TENM4: variants seen among roughly 807,000 people sequenced by gnomAD.
The protein encoded by TENM4 is teneurin-4.
Under a neutral mutation model 243.3 loss-of-function variants are expected in TENM4, and 82 were observed. The observed-to-expected ratio is 0.34, with a 90% CI of 0.28 to 0.40. The LOEUF (loss-of-function observed/expected upper bound fraction) is 0.40. TENM4 is among the 10% of genes least tolerant of loss of function. TENM4 has a pLI of 1.00. For missense variants in TENM4, 3,138 were observed against 3,673.3 expected (o/e 0.85, Z 3.77); for synonymous variants, 1,412 against 1,456.3 (o/e 0.97, Z 0.69).
At chr11:79,105,420 A>G (rs890576870) in intron 4 of TENM4, among the ~76,000 whole-genome samples, 1 of 152,184 alleles carries the variant, frequency 6.6e-6, no homozygotes, top group Non-Finnish European at 1.5e-5. Flanking sequence ...CATAATTCAA[A>G]TCCAATTCTC....
At chr11:79,208,976 C>T (rs1863902766) in intron 3 of TENM4, among the ~76,000 whole-genome samples, 9 of 152,180 alleles carry the variant, frequency 5.9e-5, no homozygotes, top group Admixed American at 5.9e-4. Flanking sequence ...AACCCTCGGG[C>T]CACTACCTCA....
intron 12 of TENM4, among the ~76,000 whole-genome samples, chr11:78,827,639 A>G (rs181307989): frequency 6.6e-6 from 1 of 152,136 alleles, no homozygotes; most frequent in East Asian, 1.9e-4. Flanking sequence ...GCAGGCATGC[A>G]CCACCATGCC....
chr11:78,871,649 C>T (rs1209640373), intron 9 of TENM4, among the ~76,000 whole-genome samples: 3 of 152,168 alleles, frequency 2.0e-5, no homozygotes, highest in Non-Finnish European at 4.4e-5. Context: ...AAATCATGTC[C>T]AGAGCAGGAC....
At chr11:79,001,831 A>G (rs1236929053) in intron 6 of TENM4, among the ~76,000 whole-genome samples, 4 of 152,248 alleles carry the variant, frequency 2.6e-5, no homozygotes, top group East Asian at 1.9e-4. Context: ...GGCTCTCACC[A>G]TAGCTCCTTT....
chr11:79,089,595 T>C (rs1034400910), intron 4 of TENM4, among the ~76,000 whole-genome samples: 2 of 151,922 alleles, frequency 1.3e-5, no homozygotes, highest in Non-Finnish European at 2.9e-5. Flanking sequence ...AAGAAGCAGG[T>C]TTCATATCCT....
At chr11:78,950,295 A>G (rs1187338321) in intron 6 of TENM4, among the ~76,000 whole-genome samples, 1 of 152,154 alleles carries the variant, frequency 6.6e-6, no homozygotes, top group East Asian at 1.9e-4. Context: ...AGCGGTTTCC[A>G]TTCAGGGGCC....
chr11:79,035,170 C>G (rs777400684), intron 6 of TENM4, among the ~76,000 whole-genome samples: 8 of 152,136 alleles, frequency 5.3e-5, no homozygotes, highest in Non-Finnish European at 1.2e-4. Flanking sequence ...CGGGTTCACT[C>G]CTCCCTTAAC....
intron 1 of TENM4, among the ~76,000 whole-genome samples, chr11:79,423,503 C>T (rs937654662): frequency 3.3e-5 from 5 of 149,694 alleles, no homozygotes; most frequent in Admixed American, 6.7e-5. Flanking sequence ...GCTCCTGTCT[C>T]GTTCAAGCCA....
At chr11:78,721,133 G>A (rs946798576) in intron 24 of TENM4, among the ~76,000 whole-genome samples, 5 of 152,064 alleles carry the variant, frequency 3.3e-5, no homozygotes, top group Non-Finnish European at 5.9e-5. Context: ...TGATTTCCTC[G>A]TCCATGGTGC....
rs761703290 is a variant in TENM4, at chr11:78,863,007, T to G, written c.1210A>C (p.Thr404Pro). 6.6e-7 allele frequency: 1 copy of G among 1,507,262 alleles called. No homozygotes were observed. The highest frequency in any genetic ancestry group is 9.0e-7 in the Non-Finnish European group (1 of 1,113,870). 93.4% of individuals were successfully genotyped at this position (1,507,262 alleles called of 1,614,324 possible). A position where few individuals can be genotyped will look rare whatever the true frequency, so the allele number is the denominator to read the frequency against. The change falls in exon 10 of 34, where the codon ACT becomes CCT. Residue 404 changes from threonine (T) to proline (P), a missense_variant. Physicochemically the swap from Thr to Pro is conservative, Grantham distance 38. Around this residue, in one of 2 missense-constraint regions of TENM4, gnomAD observed 671 missense variants for 614.1 expected, o/e 1.09. Coordinates refer to ENST00000278550, the MANE Select transcript of TENM4 (RefSeq NM_001098816.3). ...TTCCTGTCAGGGGTCTCTAAGCCAG[T>G]GCCCCCTGAGGGGTATAGGGAGACG... ...TDVSLYPSGG[T>P]GLETPDRKGK...
intron 4 of TENM4, among the ~76,000 whole-genome samples, chr11:79,103,620 A>G (rs1161983831): frequency 6.6e-6 from 1 of 152,246 alleles, no homozygotes; most frequent in East Asian, 1.9e-4. Context: ...GCTTTCTGAG[A>G]CAAGAAAACA....
chr11:79,239,316 C>T (rs557950764), intron 2 of TENM4, among the ~76,000 whole-genome samples: 15 of 152,306 alleles, frequency 9.8e-5, no homozygotes, highest in South Asian at 2.1e-4. Context: ...CTCTCATCCA[C>T]GAAAAATACA....
At chr11:79,019,944 G>T (rs1049412752) in intron 6 of TENM4, among the ~76,000 whole-genome samples, 4 of 152,146 alleles carry the variant, frequency 2.6e-5, no homozygotes, top group Non-Finnish European at 1.5e-5. Flanking sequence ...AGGCCTTCAG[G>T]CACCTGAGTA....
At chr11:78,857,380 GTCTT>G (rs1167457644) in intron 10 of TENM4, among the ~76,000 whole-genome samples, 1 of 152,164 alleles carries the variant, frequency 6.6e-6, no homozygotes, top group Non-Finnish European at 1.5e-5. Flanking sequence ...AAATTAAAAT[GTCTT>G]TCTTTCCCCC....
chr11:79,390,243 C>T (rs1424831942), intron 1 of TENM4, among the ~76,000 whole-genome samples: 1 of 152,180 alleles, frequency 6.6e-6, no homozygotes. Context: ...CTTGGGACCA[C>T]CAAAGACCAG....
chr11:78,918,181 A>G (rs1856364412), intron 6 of TENM4, among the ~76,000 whole-genome samples: 1 of 152,106 alleles, frequency 6.6e-6, no homozygotes, highest in Non-Finnish European at 1.5e-5. Context: ...TGTTCTGAAA[A>G]TAGTACTATT....
intron 12 of TENM4, among the ~76,000 whole-genome samples, chr11:78,820,081 T>C (rs1483307071): frequency 6.6e-6 from 1 of 152,314 alleles, no homozygotes; most frequent in Middle Eastern, 3.4e-3. Flanking sequence ...GATTTATTAT[T>C]AGCAACCAAA....
At chr11:78,750,234 T>A (rs143193744) in intron 19 of TENM4, among the ~76,000 whole-genome samples, 1 of 152,352 alleles carries the variant, frequency 6.6e-6, no homozygotes, top group African/African-American at 2.4e-5. Context: ...TTTCATGAAA[T>A]ACATATTCTT....
intron 6 of TENM4, among the ~76,000 whole-genome samples, chr11:78,983,073 C>CT (rs1857838133): frequency 6.6e-6 from 1 of 152,186 alleles, no homozygotes; most frequent in Non-Finnish European, 1.5e-5. Context: ...TTGCCGGTAT[C>CT]TTTTCTTGAA....
Sources: gnomAD v4.1 joint callset for allele counts (sites outside exome capture counted in the v4.1 genomes callset) on GRCh38, gnomAD v4.1.1 for gene constraint, gnomAD v4.1.1 regional missense constraint, MANE v1.5 for transcripts, NCBI Gene and HGNC (gene_info 2026-07-23, HGNC 2026-07-21) for gene names.